Variants in ST6GALNAC3 observed in about 807,000 individuals in gnomAD.
ST6GALNAC3 encodes the protein alpha-N-acetylgalactosaminide alpha-2,6-sialyltransferase 3.
ST6GALNAC3 carries 25 observed loss-of-function variants against 32.7 expected under a neutral mutation model. The ratio of observed to expected loss-of-function variants is 0.76; its 90% CI spans 0.56 to 1.07. The LOEUF (loss-of-function observed/expected upper bound fraction) is 1.07. Ranked by LOEUF, ST6GALNAC3 falls within the 50% of genes least tolerant of loss-of-function variation. The pLI, the probability that ST6GALNAC3 is intolerant of heterozygous loss-of-function variation, is 0.00. For synonymous variants in ST6GALNAC3, 129 were observed against 133.1 expected (o/e 0.97, Z 0.21); for missense variants, 355 against 382.4 (o/e 0.93, Z 0.60).
chr1:76,405,517 C>T (rs886534580), intron 2 of ST6GALNAC3, among the ~76,000 whole-genome samples: 6 of 151,804 alleles, frequency 4.0e-5, no homozygotes, highest in African/African-American at 1.5e-4. Context: ...ATGGTTTTCC[C>T]AGGGTGGTTG....
intron 1 of ST6GALNAC3, among the ~76,000 whole-genome samples, chr1:76,175,530 T>G (rs546543228): frequency 6.6e-6 from 1 of 151,866 alleles, no homozygotes; most frequent in South Asian, 2.1e-4. Context: ...TAGTTTTTTT[T>G]TTTTTGGTGT....
intron 3 of ST6GALNAC3, among the ~76,000 whole-genome samples, chr1:76,521,418 G>C (rs1330057052): frequency 6.6e-6 from 1 of 152,040 alleles, no homozygotes; most frequent in Admixed American, 6.6e-5. Context: ...ATGTTGCTAA[G>C]TGGGCAACTG....
At chr1:76,438,212 C>T (rs1332186137) in intron 3 of ST6GALNAC3, among the ~76,000 whole-genome samples, 1 of 150,852 alleles carries the variant, frequency 6.6e-6, no homozygotes, top group African/African-American at 2.5e-5. Flanking sequence ...AGTGCAGTGG[C>T]GCGATCTCGG....
intron 1 of ST6GALNAC3, among the ~76,000 whole-genome samples, chr1:76,140,617 TTTTC>T (rs772399191): frequency 0.022 from 2,786 of 125,342 alleles, 46 homozygotes; most frequent in Admixed American, 0.099. Context: ...TCTTTCTTTC[TTTTC>T]TTTCTTTCTT....
At chr1:76,380,726 G>T (rs542294805) in intron 2 of ST6GALNAC3, among the ~76,000 whole-genome samples, 1,648 of 152,208 alleles carry the variant, frequency 0.011, 9 homozygotes, top group Non-Finnish European at 0.017. Context: ...AGTGTTTGGA[G>T]TGTTACATGT....
At chr1:76,178,885 C>A (rs1459750956) in intron 1 of ST6GALNAC3, among the ~76,000 whole-genome samples, 1 of 152,206 alleles carries the variant, frequency 6.6e-6, no homozygotes, top group South Asian at 2.1e-4. Flanking sequence ...GCCTTGGATG[C>A]CTATTTCTGT....
At chr1:76,245,028 C>T (rs575088886) in intron 1 of ST6GALNAC3, among the ~76,000 whole-genome samples, 1 of 152,190 alleles carries the variant, frequency 6.6e-6, no homozygotes, top group South Asian at 2.1e-4. Context: ...CTCTTTGTAC[C>T]TCTGATAGAA....
chr1:76,573,069 A>C (rs1646736638), intron 3 of ST6GALNAC3, among the ~76,000 whole-genome samples: 1 of 152,110 alleles, frequency 6.6e-6, no homozygotes, highest in East Asian at 1.9e-4. Flanking sequence ...GTGAGTTGCC[A>C]GGGGAGTCAT....
In ST6GALNAC3 at chr1:76,628,653, T is replaced by C. The variant is rs116315772; in HGVS notation, c.765T>C (p.Tyr255=). The change falls in exon 5 of 5, where the codon TAT becomes TAC. Residue 255 remains tyrosine, a synonymous_variant. Coordinates refer to ENST00000328299, the MANE Select transcript of ST6GALNAC3 (RefSeq NM_152996.4). ...GGTATAGAAAAGTCCCCTACCATTATTATGAACAAGGAAGAGATGAGTGTG... is the reference window on the plus strand; with the variant it reads ...GGTATAGAAAAGTCCCCTACCATTACTATGAACAAGGAAGAGATGAGTGTG... The part of the protein sequence containing the change: ...TEGYRKVPYH[Y]YEQGRDECDE... 1,523 of 1,611,190 alleles carry C rather than the reference T, an allele frequency of 9.5e-4. 1 individual carries two copies. Among genetic ancestry groups the C allele is most frequent in the Admixed American group, 1.7e-3 (103 of 59,794 alleles).
At chr1:76,152,861 C>T (rs1049011133) in intron 1 of ST6GALNAC3, among the ~76,000 whole-genome samples, 3 of 152,122 alleles carry the variant, frequency 2.0e-5, no homozygotes, top group Admixed American at 1.3e-4. Flanking sequence ...TTCTTAGATG[C>T]CTTTTGGTGG....
At chr1:76,368,097 G>A (rs1650521709) in intron 2 of ST6GALNAC3, among the ~76,000 whole-genome samples, 1 of 152,036 alleles carries the variant, frequency 6.6e-6, no homozygotes, top group African/African-American at 2.4e-5. Flanking sequence ...AGCCCAGGGT[G>A]GGCATTTTTT....
intron 1 of ST6GALNAC3, among the ~76,000 whole-genome samples, chr1:76,112,030 C>T (rs1647996749): frequency 1.3e-5 from 2 of 151,358 alleles, no homozygotes; most frequent in Non-Finnish European, 3.0e-5. Flanking sequence ...CAGAGGCGCC[C>T]CTCACCTCCC....
At chr1:76,271,587 G>T (rs951682437) in intron 1 of ST6GALNAC3, among the ~76,000 whole-genome samples, 1 of 152,156 alleles carries the variant, frequency 6.6e-6, no homozygotes, top group Non-Finnish European at 1.5e-5. Context: ...AATTCTATCT[G>T]GAAAGTCTAG....
chr1:76,626,615 C>T (rs1648985239), intron 3 of ST6GALNAC3, among the ~76,000 whole-genome samples: 1 of 151,878 alleles, frequency 6.6e-6, no homozygotes, highest in Non-Finnish European at 1.5e-5. Context: ...CTTGCCCTTC[C>T]CTCTTCCTGA....
intron 3 of ST6GALNAC3, among the ~76,000 whole-genome samples, chr1:76,414,321 A>G (rs951780348): frequency 3.9e-5 from 6 of 152,078 alleles, no homozygotes; most frequent in African/African-American, 1.4e-4. Flanking sequence ...CACTGAGTCT[A>G]TTTCTGTCTG....
At chr1:76,171,676 C>G (rs1652509290) in intron 1 of ST6GALNAC3, among the ~76,000 whole-genome samples, 1 of 151,836 alleles carries the variant, frequency 6.6e-6, no homozygotes, top group Non-Finnish European at 1.5e-5. Context: ...TGCAAATAAA[C>G]TAGAAAATTT....
chr1:76,350,528 GA>G (rs1648890201), intron 2 of ST6GALNAC3, among the ~76,000 whole-genome samples: 1 of 152,130 alleles, frequency 6.6e-6, no homozygotes, highest in South Asian at 2.1e-4. Context: ...ACATTAGTTT[GA>G]ATCCGATTTC....
At chr1:76,163,417 T>C (rs1651931377) in intron 1 of ST6GALNAC3, among the ~76,000 whole-genome samples, 1 of 152,164 alleles carries the variant, frequency 6.6e-6, no homozygotes. Flanking sequence ...CTGGGCAGTG[T>C]TGGGAGGGTG....
chr1:76,191,233 G>GA (rs1466156094), intron 1 of ST6GALNAC3, among the ~76,000 whole-genome samples: 1 of 151,874 alleles, frequency 6.6e-6, no homozygotes, highest in Non-Finnish European at 1.5e-5. Flanking sequence ...TGGAGAAGGA[G>GA]ACCTTTGAAG....
Sources: gnomAD v4.1 joint callset for allele counts (sites outside exome capture counted in the v4.1 genomes callset) on GRCh38, gnomAD v4.1.1 for gene constraint, MANE v1.5 for transcripts, NCBI Gene and HGNC (gene_info 2026-07-23, HGNC 2026-07-21) for gene names.